The following EYS variants were observed in gnomAD, a reference collection of about 807,000 sequenced individuals.
EYS encodes the protein protein eyes shut homolog.
In EYS, 250 loss-of-function variants were observed where a neutral mutation model predicts 282.1. The observed-to-expected ratio is 0.89, with a 90% CI of 0.80 to 0.98. EYS has a LOEUF of 0.98. EYS is among the 50% of genes least tolerant of loss of function. The pLI is 0.00. For missense variants in EYS, 4,016 were observed against 3,709.0 expected (o/e 1.08, Z -2.15); for synonymous variants, 1,355 against 1,282.9 (o/e 1.06, Z -1.20).
intron 33 of EYS, among the ~76,000 whole-genome samples, chr6:64,017,702 T>A (rs1268586588): frequency 6.6e-6 from 1 of 152,164 alleles, no homozygotes; most frequent in Non-Finnish European, 1.5e-5. Context: ...CCAGTGACAA[T>A]TCTATCTGCT....
chr6:64,290,223 T>TC (rs1356736480), intron 30 of EYS, among the ~76,000 whole-genome samples: 3 of 152,102 alleles, frequency 2.0e-5, no homozygotes, highest in African/African-American at 7.2e-5. Context: ...CATTTGTAAC[T>TC]CCCTCTTTTA....
At chr6:64,294,055 C>G (rs935286214) in intron 30 of EYS, among the ~76,000 whole-genome samples, 1 of 150,762 alleles carries the variant, frequency 6.6e-6, no homozygotes, top group Non-Finnish European at 1.5e-5. Context: ...ATGTAGGTGA[C>G]TATAAAATAG....
In EYS at chr6:64,692,028, G is replaced by T. The variant is rs183984572; in HGVS notation, c.3444-65783C>A. On this transcript the variant is annotated intron_variant, in intron 22 of 42. Coordinates refer to ENST00000503581, the MANE Select transcript of EYS (RefSeq NM_001142800.2). ...TGGATATATACCCAGTAATGAGATTGCTGGATTGTATGGTAGCTCTACTTG... is the reference window on the plus strand; with the variant it reads ...TGGATATATACCCAGTAATGAGATTTCTGGATTGTATGGTAGCTCTACTTG... 2.2e-4 allele frequency among the ~76,000 whole-genome samples: 33 copies of T among 152,192 alleles called. No individual in the cohort carries two copies. In the East Asian group the frequency reaches 6.0e-3, roughly 28 times the overall value.
At chr6:64,606,643 T>C (rs1766946743) in intron 24 of EYS, among the ~76,000 whole-genome samples, 1 of 152,054 alleles carries the variant, frequency 6.6e-6, no homozygotes, top group Non-Finnish European at 1.5e-5. Context: ...CTTTCAAGCC[T>C]CTCTCATTTT....
At chr6:65,685,811 G>A (rs6924950) in intron 1 of EYS, among the ~76,000 whole-genome samples, 53,678 of 151,796 alleles carry the variant, frequency 0.35, 11,976 homozygotes, top group Non-Finnish European at 0.49. Flanking sequence ...ATTCTAGAAG[G>A]TACAACAATG....
chr6:65,320,640 G>A (rs1331547725), intron 11 of EYS, among the ~76,000 whole-genome samples: 5 of 152,206 alleles, frequency 3.3e-5, no homozygotes, highest in African/African-American at 9.7e-5. Context: ...AAACAGAGAA[G>A]TGCATCTCAG....
chr6:65,512,176 C>A (rs908253842), intron 2 of EYS, among the ~76,000 whole-genome samples: 4 of 151,948 alleles, frequency 2.6e-5, no homozygotes, highest in African/African-American at 7.3e-5. Context: ...ACTCATACGC[C>A]TTACAGATCC....
chr6:64,238,166 TTCTATTCTTTA>T, intron 30 of EYS, among the ~76,000 whole-genome samples: 1 of 152,184 alleles, frequency 6.6e-6, no homozygotes, highest in Admixed American at 6.5e-5. Context: ...TCTCACCATC[TTCTATTCTTTA>T]GCTATTACAC....
chr6:65,147,858 G>A (rs951817924), intron 12 of EYS, among the ~76,000 whole-genome samples: 8 of 152,022 alleles, frequency 5.3e-5, no homozygotes, highest in African/African-American at 1.2e-4. Flanking sequence ...AAACAAAAAC[G>A]GCCTTCCTTA....
At chr6:65,391,913 TCAAACTATAC>T (rs1766051927) in intron 7 of EYS, among the ~76,000 whole-genome samples, 1 of 152,078 alleles carries the variant, frequency 6.6e-6, no homozygotes, top group Non-Finnish European at 1.5e-5. Flanking sequence ...CTACCTGACT[TCAAACTATAC>T]TACAAGGCTA....
At chr6:64,900,325 A>C (rs189413248) in intron 18 of EYS, among the ~76,000 whole-genome samples, 2 of 152,162 alleles carry the variant, frequency 1.3e-5, no homozygotes, top group African/African-American at 4.8e-5. Flanking sequence ...GCAGGGGCAA[A>C]GACTTCATGA....
At chr6:65,329,932 G>A (rs1264484779) in intron 11 of EYS, 1 of 977,210 alleles carries the variant, frequency 1.0e-6, no homozygotes, top group African/African-American at 1.8e-5. Context: ...ACTTATAACT[G>A]AAAATTATGT....
intron 12 of EYS, among the ~76,000 whole-genome samples, chr6:65,119,595 A>G (rs545185204): frequency 5.3e-5 from 8 of 151,456 alleles, no homozygotes; most frequent in Middle Eastern, 6.9e-3. Context: ...TCTGGTAAAA[A>G]GAATCCCATT....
chr6:64,980,398 G>A (rs1770615389), intron 14 of EYS, among the ~76,000 whole-genome samples: 1 of 151,404 alleles, frequency 6.6e-6, no homozygotes, highest in South Asian at 2.1e-4. Flanking sequence ...TTTTAAATTA[G>A]TCTGTAGCCT....
intron 2 of EYS, among the ~76,000 whole-genome samples, chr6:65,586,863 T>A (rs144618876): frequency 6.6e-6 from 1 of 152,096 alleles, no homozygotes; most frequent in Non-Finnish European, 1.5e-5. Flanking sequence ...TAACTAGATG[T>A]ATTTTTTCTG....
intron 12 of EYS, among the ~76,000 whole-genome samples, chr6:65,208,826 A>G (rs1040593132): frequency 1.3e-5 from 2 of 151,816 alleles, no homozygotes; most frequent in Admixed American, 1.3e-4. Flanking sequence ...TGCTTAAAAA[A>G]TTACCTACTG....
At chr6:64,346,395 C>G (rs542808469) in intron 29 of EYS, among the ~76,000 whole-genome samples, 2 of 152,086 alleles carry the variant, frequency 1.3e-5, no homozygotes, top group South Asian at 4.1e-4. Flanking sequence ...AGTTCATGTC[C>G]TTTGTAGGGA....
intron 26 of EYS, among the ~76,000 whole-genome samples, chr6:64,551,812 C>T (rs761857680): frequency 2.3e-4 from 35 of 152,326 alleles, no homozygotes; most frequent in Middle Eastern, 3.4e-3. Flanking sequence ...AACTAGTTTA[C>T]AGTCCCACCA....
At chr6:65,144,169 A>AAG (rs1297808645) in intron 12 of EYS, among the ~76,000 whole-genome samples, 5 of 152,202 alleles carry the variant, frequency 3.3e-5, no homozygotes, top group Middle Eastern at 3.4e-3. Flanking sequence ...TTTTCAAGAG[A>AAG]AGAGACATAT....
Sources: gnomAD v4.1 joint callset for allele counts (sites outside exome capture counted in the v4.1 genomes callset) on GRCh38, gnomAD v4.1.1 for gene constraint, MANE v1.5 for transcripts, NCBI Gene and HGNC (gene_info 2026-07-23, HGNC 2026-07-21) for gene names.